Variants in FRMD3 observed in about 807,000 individuals in gnomAD.
FRMD3 encodes FERM domain-containing protein 3.
A neutral mutation model predicts 70.2 loss-of-function variants in FRMD3; 33 were observed. The ratio of observed to expected loss-of-function variants is 0.47; its 90% CI spans 0.36 to 0.63. The LOEUF is 0.63. FRMD3 is among the 20% of genes least tolerant of loss of function. FRMD3 has a pLI of 0.00. For synonymous variants in FRMD3, 279 were observed against 255.9 expected (o/e 1.09, Z -0.86); for missense variants, 632 against 711.4 (o/e 0.89, Z 1.27).
rs1003452976 is a variant in FRMD3, at chr9:83,245,244, C to G, written c.*2674G>C. The stretch of plus-strand genomic sequence containing the variant: ...ATAATATGGAATATACATATACTCA[C>G]ACACTTGCTTTAAACTCTATATCTC... On this transcript the variant is annotated 3_prime_UTR_variant, in exon 14 of 14. Coordinates refer to ENST00000304195, the MANE Select transcript of FRMD3 (RefSeq NM_174938.6). 3.0e-6 allele frequency: 3 copies of G among 984,856 alleles called. No individual in the cohort carries two copies. In the African/African-American group the frequency reaches 5.2e-5, roughly 17 times the overall value. 61.0% of individuals were successfully genotyped at this position (984,856 alleles called of 1,614,324 possible).
chr9:83,495,140 T>C (rs1452581007), intron 1 of FRMD3, among the ~76,000 whole-genome samples: 2 of 152,162 alleles, frequency 1.3e-5, no homozygotes, highest in African/African-American at 4.8e-5. Context: ...CACTCTCTTT[T>C]TCTGAGTCCA....
intron 2 of FRMD3, among the ~76,000 whole-genome samples, chr9:83,386,817 T>G (rs528137022): frequency 6.6e-6 from 1 of 152,338 alleles, no homozygotes; most frequent in African/African-American, 2.4e-5. Flanking sequence ...TCCTTGTCTT[T>G]CATGACCTCA....
At chr9:83,292,217 G>A (rs1455186838) in intron 12 of FRMD3, among the ~76,000 whole-genome samples, 1 of 149,616 alleles carries the variant, frequency 6.7e-6, no homozygotes, top group Admixed American at 6.7e-5. Context: ...GGAGTGCAGT[G>A]GTGCAATCTC....
intron 1 of FRMD3, among the ~76,000 whole-genome samples, chr9:83,390,533 C>T (rs970824835): frequency 2.0e-5 from 3 of 152,132 alleles, no homozygotes; most frequent in Non-Finnish European, 4.4e-5. Flanking sequence ...TTGGGTAAAC[C>T]CCTAGCTGTT....
chr9:83,260,383 A>C (rs1469354379), intron 13 of FRMD3, among the ~76,000 whole-genome samples: 1 of 152,128 alleles, frequency 6.6e-6, no homozygotes, highest in Non-Finnish European at 1.5e-5. Context: ...GAAGAGAAGG[A>C]GATCTGAGAA....
chr9:83,291,598 C>T (rs560143628), intron 12 of FRMD3, among the ~76,000 whole-genome samples: 1 of 152,048 alleles, frequency 6.6e-6, no homozygotes, highest in East Asian at 1.9e-4. Context: ...CCTTCCTCTC[C>T]CTCTCTTTGA....
chr9:83,301,645 C>T (rs1337906669), intron 10 of FRMD3, among the ~76,000 whole-genome samples: 11 of 152,230 alleles, frequency 7.2e-5, no homozygotes, highest in African/African-American at 2.7e-4. Context: ...GAGTCAACCT[C>T]CTGGCCACTC....
chr9:83,518,670 C>A (rs1248290535), intron 1 of FRMD3, among the ~76,000 whole-genome samples: 1 of 151,860 alleles, frequency 6.6e-6, no homozygotes, highest in Non-Finnish European at 1.5e-5. Context: ...AAAAAAAGAG[C>A]CTGCATAGTT....
chr9:83,416,334 C>T (rs566669019), intron 1 of FRMD3, among the ~76,000 whole-genome samples: 1 of 152,354 alleles, frequency 6.6e-6, no homozygotes, highest in African/African-American at 2.4e-5. Context: ...ACAAGGTGAG[C>T]TGGGACACTG....
chr9:83,263,315 T>C (rs1833073580), intron 13 of FRMD3, among the ~76,000 whole-genome samples: 1 of 152,264 alleles, frequency 6.6e-6, no homozygotes, highest in Admixed American at 6.5e-5. Context: ...GATGGCATCC[T>C]AAGTGATGCA....
chr9:83,310,110 G>A (rs1351694743), intron 9 of FRMD3, among the ~76,000 whole-genome samples: 1 of 152,078 alleles, frequency 6.6e-6, no homozygotes, highest in Non-Finnish European at 1.5e-5. Flanking sequence ...GGACTAATAG[G>A]CTCTGTTTAT....
At chr9:83,347,927 C>T (rs1397517634) in intron 4 of FRMD3, among the ~76,000 whole-genome samples, 2 of 152,082 alleles carry the variant, frequency 1.3e-5, no homozygotes, top group African/African-American at 4.8e-5. Context: ...CAAAGGGTCA[C>T]GATATTCCAC....
intron 1 of FRMD3, among the ~76,000 whole-genome samples, chr9:83,478,182 T>C (rs766792025): frequency 6.6e-6 from 1 of 152,240 alleles, no homozygotes; most frequent in Non-Finnish European, 1.5e-5. Flanking sequence ...GTTAAAACCA[T>C]GCAGTTCATT....
intron 1 of FRMD3, among the ~76,000 whole-genome samples, chr9:83,432,140 C>T (rs985786154): frequency 2.0e-5 from 3 of 152,196 alleles, no homozygotes; most frequent in Admixed American, 6.5e-5. Flanking sequence ...GGACTTAAAA[C>T]ACGGCATTGC....
At chr9:83,471,801 T>A (rs1828275678) in intron 1 of FRMD3, among the ~76,000 whole-genome samples, 1 of 152,204 alleles carries the variant, frequency 6.6e-6, no homozygotes, top group Admixed American at 6.5e-5. Flanking sequence ...GGCTGCTGTT[T>A]TACTGACTGA....
chr9:83,458,022 A>C (rs1007457128), intron 1 of FRMD3, among the ~76,000 whole-genome samples: 1 of 136,804 alleles, frequency 7.3e-6, no homozygotes, highest in Non-Finnish European at 1.6e-5. Context: ...AAAAAAAAAA[A>C]CAGGAGCTGG....
intron 6 of FRMD3, among the ~76,000 whole-genome samples, chr9:83,335,288 A>G (rs1337806587): frequency 6.6e-6 from 1 of 152,232 alleles, no homozygotes; most frequent in African/African-American, 2.4e-5. Context: ...TCTAATAACT[A>G]CTGATGGATC....
chr9:83,572,475 C>T, the FRMD3 span, among the ~76,000 whole-genome samples: 10 of 152,276 alleles, frequency 6.6e-5, no homozygotes, highest in South Asian at 2.1e-3. Flanking sequence ...TTTTCATTGT[C>T]TCTCATTTCT....
At chr9:83,414,096 T>A (rs1263675795) in intron 1 of FRMD3, among the ~76,000 whole-genome samples, 2 of 151,908 alleles carry the variant, frequency 1.3e-5, no homozygotes, top group Non-Finnish European at 1.5e-5. Flanking sequence ...GAGAGGCAAA[T>A]CTATAGAGAC....
Sources: gnomAD v4.1 joint callset for allele counts (sites outside exome capture counted in the v4.1 genomes callset) on GRCh38, gnomAD v4.1.1 for gene constraint, MANE v1.5 for transcripts, NCBI Gene and HGNC (gene_info 2026-07-23, HGNC 2026-07-21) for gene names.